The following PPP4R4 variants were observed in gnomAD, a reference collection of about 807,000 sequenced individuals.
PPP4R4 encodes serine/threonine-protein phosphatase 4 regulatory subunit 4.
PPP4R4 carries 70 observed loss-of-function variants against 121.8 expected under a neutral mutation model. The observed-to-expected ratio is 0.57, with a 90% CI of 0.47 to 0.70. PPP4R4 has a LOEUF of 0.70. Ranked by LOEUF, PPP4R4 falls within the 30% of genes least tolerant of loss-of-function variation. The pLI is 0.00. For missense variants in PPP4R4, 875 were observed against 1,033.6 expected (o/e 0.85, Z 2.10); for synonymous variants, 348 against 355.7 (o/e 0.98, Z 0.24).
chr14:94,230,514 A>G, intron 3 of PPP4R4, 73 bp from the exon 4 acceptor site: 2 of 1,395,628 alleles, frequency 1.4e-6, no homozygotes, highest in East Asian at 2.4e-5. Context: ...AGTTTCTACA[A>G]CCTTGGATTT....
In PPP4R4 at chr14:94,199,683, C is replaced by G. The variant is rs1019755266; in HGVS notation, c.192-8781C>G. ...TGGAAAGGTAGTTTTCCCCTGGAGT[C>G]GGGCTGCTTAGCAGCCCGCGCTCTC... On this transcript the variant is annotated intron_variant, in intron 2 of 24. Transcript: ENST00000304338. 3.9e-5 allele frequency among the ~76,000 whole-genome samples: 6 copies of G among 152,244 alleles called. No homozygotes were observed. The South Asian group carries it at 6.2e-4, about 16-fold the overall frequency.
chr14:94,233,637 T>A lies in PPP4R4; in HGVS notation c.517-16T>A. 6.6e-7 allele frequency: 1 copy of A among 1,517,566 alleles called. No homozygotes were observed. The highest frequency in any genetic ancestry group is 9.1e-7 in the Non-Finnish European group (1 of 1,103,172). The allele number at this position is 1,517,566 out of a possible 1,614,324, so 94.0% of individuals were successfully genotyped here. A position where few individuals can be genotyped will look rare whatever the true frequency, so the allele number is the denominator to read the frequency against. ...ATAAAATTTTGTGAATTTTTTTCTCTAAATTTTCTCTTTAGATTTTGAATC... is the reference window on the plus strand; with the variant it reads ...ATAAAATTTTGTGAATTTTTTTCTCAAAATTTTCTCTTTAGATTTTGAATC... On this transcript the variant is annotated splice_polypyrimidine_tract_variant and intron_variant, in intron 5 of 24. Transcript: ENST00000304338.
At chr14:94,261,871 G>A (rs995543036) in intron 19 of PPP4R4, among the ~76,000 whole-genome samples, 7 of 151,962 alleles carry the variant, frequency 4.6e-5, no homozygotes, top group African/African-American at 1.7e-4. Flanking sequence ...GTAAACCAAT[G>A]TTGTCTTTTG....
intron 2 of PPP4R4, among the ~76,000 whole-genome samples, chr14:94,188,208 T>C (rs1254055207): frequency 1.3e-5 from 2 of 152,144 alleles, no homozygotes; most frequent in African/African-American, 4.8e-5. Context: ...TGGCTTTTCT[T>C]ATTTTGTCTT....
At chr14:94,265,750 G>C (rs749794143) in intron 21 of PPP4R4, 44 bp from the exon 22 acceptor site, 10 of 1,392,012 alleles carry the variant, frequency 7.2e-6, no homozygotes, top group Non-Finnish European at 1.0e-5. Context: ...GAGCAGCCGA[G>C]GATGAACTGA....
At chr14:94,235,845 C>G (rs1595507729) in intron 7 of PPP4R4, among the ~76,000 whole-genome samples, 1 of 152,256 alleles carries the variant, frequency 6.6e-6, no homozygotes, top group East Asian at 1.9e-4. Context: ...GAAATCTTTT[C>G]TTTTAAAAAC....
intron 1 of PPP4R4, 66 bp downstream of exon 1, chr14:94,174,648 G>C: frequency 3.8e-6 from 6 of 1,578,428 alleles, no homozygotes; most frequent in Non-Finnish European, 4.3e-6. Flanking sequence ...GTCCCGCGCT[G>C]ATCTCTGCCC....
intron 23 of PPP4R4, among the ~76,000 whole-genome samples, chr14:94,272,554 G>T (rs1272545410): frequency 6.6e-6 from 1 of 151,518 alleles, no homozygotes; most frequent in East Asian, 2.0e-4. Flanking sequence ...AAAATTCCTA[G>T]AAGTTAACAT....
At chr14:94,180,568 C>T (rs1888917811) in intron 2 of PPP4R4, among the ~76,000 whole-genome samples, 1 of 149,838 alleles carries the variant, frequency 6.7e-6, no homozygotes, top group Non-Finnish European at 1.5e-5. Flanking sequence ...ACTTTGCTTT[C>T]CCAGGGCAGT....
intron 14 of PPP4R4, among the ~76,000 whole-genome samples, chr14:94,247,968 C>T (rs148422185): frequency 4.6e-5 from 7 of 152,078 alleles, no homozygotes; most frequent in African/African-American, 1.7e-4. Flanking sequence ...ACTGATTGGG[C>T]AAAAGCTGGA....
intron 8 of PPP4R4, 40 bp from the exon 9 acceptor site, chr14:94,240,633 A>G (rs758503075): frequency 1.9e-6 from 3 of 1,574,458 alleles, no homozygotes; most frequent in Admixed American, 3.7e-5. Flanking sequence ...AATGTGGACG[A>G]CTGAATTTAA....
At chr14:94,264,664 G>A (rs1010228143) in intron 19 of PPP4R4, among the ~76,000 whole-genome samples, 2 of 152,128 alleles carry the variant, frequency 1.3e-5, no homozygotes, top group Admixed American at 1.3e-4. Flanking sequence ...CATTGTTTTA[G>A]CTTGACAAAC....
chr14:94,201,054 T>A (rs531753200), intron 2 of PPP4R4, among the ~76,000 whole-genome samples: 20 of 152,316 alleles, frequency 1.3e-4, no homozygotes, highest in Non-Finnish European at 2.2e-4. Flanking sequence ...AAGAATTTTT[T>A]AATTTCCATC....
rs1894023100 is a variant in PPP4R4, at chr14:94,265,845, A to G, written c.2336A>G (p.Gln779Arg). The G allele has an allele frequency of 1.9e-6, 3 of 1,609,738 alleles. No individual in the cohort carries two copies. Residue 779 changes from glutamine (Q) to arginine (R), a missense_variant, in exon 22 of 25, where the codon CAA becomes CGA. Physicochemically the swap from Gln to Arg is conservative, Grantham distance 43. Transcript: ENST00000304338. Reference protein sequence around the residue: ...KLIRSQSFNNQAFHAKYGNLE... With the variant: ...KLIRSQSFNNRAFHAKYGNLE... Reference sequence around the variant, plus strand: ...ATTCGAAGCCAGTCTTTTAATAATCAAGCTTTTCATGCAAAATATGGCAAC... The same window carrying G: ...ATTCGAAGCCAGTCTTTTAATAATCGAGCTTTTCATGCAAAATATGGCAAC...
intron 14 of PPP4R4, among the ~76,000 whole-genome samples, chr14:94,248,732 A>G (rs999157523): frequency 2.0e-5 from 3 of 152,084 alleles, no homozygotes; most frequent in African/African-American, 7.2e-5. Context: ...TCATTTATGC[A>G]TTTTTAATGG....
chr14:94,216,611 G>A (rs1891035871), intron 3 of PPP4R4, among the ~76,000 whole-genome samples: 1 of 152,182 alleles, frequency 6.6e-6, no homozygotes, highest in Admixed American at 6.5e-5. Flanking sequence ...TGATAAAGGT[G>A]TGGTGGTGAT....
chr14:94,252,823 C>T (rs2139603140), intron 16 of PPP4R4, among the ~76,000 whole-genome samples: 1 of 152,266 alleles, frequency 6.6e-6, no homozygotes, highest in Non-Finnish European at 1.5e-5. Context: ...CTGAAAGATG[C>T]ATATGTACCA....
chr14:94,229,831 C>G (rs575019307), intron 3 of PPP4R4, among the ~76,000 whole-genome samples: 1 of 152,220 alleles, frequency 6.6e-6, no homozygotes, highest in Non-Finnish European at 1.5e-5. Context: ...ATTACACACA[C>G]AAACACACAC....
chr14:94,210,216 G>GTA (rs1890671315), intron 3 of PPP4R4, among the ~76,000 whole-genome samples: 1 of 149,968 alleles, frequency 6.7e-6, no homozygotes, highest in African/African-American at 2.4e-5. Flanking sequence ...ATATATGAGT[G>GTA]TATAATACAA....
Sources: allele counts gnomAD v4.1 joint callset (sites outside exome capture counted in the v4.1 genomes callset), GRCh38; gene constraint gnomAD v4.1.1; transcripts MANE v1.5; gene names NCBI Gene and HGNC (gene_info 2026-07-23, HGNC 2026-07-21).